The following ADGRB1 variants were observed in gnomAD, a reference collection of about 807,000 sequenced individuals.
The protein encoded by ADGRB1 is adhesion G protein-coupled receptor B1, also known as brain-specific angiogenesis inhibitor 1.
Under a neutral mutation model 175.7 loss-of-function variants are expected in ADGRB1, and 36 were observed. The observed-to-expected ratio is 0.20, with a 90% CI of 0.16 to 0.27. ADGRB1 has a LOEUF of 0.27. Among genes scored for constraint, ADGRB1 ranks in the 10% least tolerant of loss-of-function variants. The pLI is 1.00. For missense variants in ADGRB1, 1,731 were observed against 2,255.3 expected (o/e 0.77, Z 4.71); for synonymous variants, 1,054 against 979.4 (o/e 1.08, Z -1.42).
At chr8:142,515,705 G>A (rs1358782268) in intron 18 of ADGRB1, among the ~76,000 whole-genome samples, 2 of 152,220 alleles carry the variant, frequency 1.3e-5, no homozygotes, top group African/African-American at 4.8e-5. Flanking sequence ...AAAGTTACCG[G>A]TGACTGATGA....
intron 1 of ADGRB1, 21 bp from the exon 2 acceptor site, chr8:142,463,959 C>T (rs1840102014): frequency 2.8e-6 from 1 of 353,172 alleles, no homozygotes; most frequent in Admixed American, 4.8e-5. Flanking sequence ...TCACTCTGAC[C>T]CTCTGCTCTT....
Position 142,511,046 on chromosome 8 carries a change from C to T in ADGRB1, c.2790C>T (p.Ala930=). The part of the protein sequence containing the change: ...RCLCDRLSTF[A]ILAQLSADAN... ...TCTGTGACCGGCTCTCCACCTTCGC[C>T]ATCTTAGCCCAGCTCAGCGCCGACG... The change falls in exon 18 of 31, where the codon GCC becomes GCT. Residue 930 remains alanine, a synonymous_variant. Coordinates refer to ENST00000517894, the MANE Select transcript of ADGRB1 (RefSeq NM_001702.3). This position sits in a 1 kb window ranked among gnomAD's most constrained non-coding sequence, Gnocchi z 4.5. 1 of 1,277,410 alleles carries T rather than the reference C, an allele frequency of 7.8e-7. No individual in the cohort carries two copies. Among genetic ancestry groups the T allele is most frequent in the Non-Finnish European group, 1.0e-6 (1 of 993,706 alleles). 79.1% of individuals were successfully genotyped at this position (1,277,410 alleles called of 1,614,324 possible).
In ADGRB1 at chr8:142,489,370, G is replaced by A; in HGVS notation, c.2563G>A (p.Val855Met). The A allele has an allele frequency of 6.2e-7, 1 of 1,612,982 alleles. No homozygotes were observed. The highest frequency in any genetic ancestry group is 8.5e-7 in the Non-Finnish European group (1 of 1,179,848). The change falls in exon 16 of 31, where the codon GTG (valine) becomes ATG (methionine). Residue 855 changes from valine (V) to methionine (M), a missense_variant. Physicochemically the swap from Val to Met is conservative, Grantham distance 21. Transcript: ENST00000517894. ...CGTCCTGAATTCTAAGGTGATCTCC[G>A]TGACTGTGAAACCCCCGCCTCGCTC... ...TTVLNSKVISVTVKPPPRSLR... is the reference protein window; with the variant it reads ...TTVLNSKVISMTVKPPPRSLR...
At position 142,464,674 on chromosome 8, in the gene ADGRB1, G is replaced by C. The variant is rs113034224; in HGVS notation, c.476G>C (p.Arg159Pro). 6,219 of 1,524,242 alleles carry C rather than the reference G, an allele frequency of 4.1e-3. 78 individuals carry two copies. In the East Asian group the frequency reaches 0.049, roughly 12 times the overall value. 94.4% of individuals were successfully genotyped at this position (1,524,242 alleles called of 1,614,324 possible). ...QPPQHDGLRP[R>P]AGPPGPTDDF... ...CCCCAGCACGACGGGCTCCGGCCCC[G>C]GGCCGGGCCGCCGGGCCCCACCGAC... Residue 159 changes from arginine to proline, a missense_variant, in exon 2 of 31, where the codon CGG (arginine) becomes CCG (proline). Coordinates refer to ENST00000517894, the MANE Select transcript of ADGRB1 (RefSeq NM_001702.3).
At chr8:142,477,351 G>A (rs778655835) in intron 5 of ADGRB1, 34 bp from the exon 6 acceptor site, 26 of 1,463,010 alleles carry the variant, frequency 1.8e-5, no homozygotes, top group South Asian at 4.6e-5. Context: ...GGCGGTGGCC[G>A]CAGTGGGCAG....
intron 13 of ADGRB1, among the ~76,000 whole-genome samples, chr8:142,485,579 TG>T (rs1841628721): frequency 6.6e-6 from 1 of 152,218 alleles, no homozygotes; most frequent in South Asian, 2.1e-4. Flanking sequence ...ACCTCCCCTG[TG>T]GGGATGCTTC....
intron 14 of ADGRB1, among the ~76,000 whole-genome samples, chr8:142,488,715 C>T (rs532301137): frequency 6.6e-6 from 1 of 152,154 alleles, no homozygotes; most frequent in African/African-American, 2.4e-5. Flanking sequence ...CAAGATGAAC[C>T]ACCTTGCTTC....
At position 142,464,833 on chromosome 8, in the gene ADGRB1, C is replaced by T. The variant is rs1397178395; in HGVS notation, c.635C>T (p.Pro212Leu). 6.5e-7 allele frequency: 1 copy of T among 1,527,660 alleles called. No homozygotes were observed. Among genetic ancestry groups the T allele is most frequent in the African/African-American group, 1.4e-5 (1 of 72,108 alleles). The allele number at this position is 1,527,660 out of a possible 1,614,324, so 94.6% of individuals were successfully genotyped here. ...SSHPCGIMQT[P>L]CACLGGEAGG... is the part of the protein sequence containing the mutation. ...CACCCCTGCGGGATCATGCAGACCC[C>T]CTGCGCCTGCCTGGGCGGCGAGGCG... Residue 212 changes from proline (P) to leucine (L), a missense_variant, in exon 2 of 31, where the codon CCC becomes CTC. Physicochemically the swap from Pro to Leu is moderately conservative, Grantham distance 98. Coordinates refer to ENST00000517894, the MANE Select transcript of ADGRB1 (RefSeq NM_001702.3).
chr8:142,536,907 C>T (rs752484998), intron 25 of ADGRB1, 80 bp from the exon 26 acceptor site: 85 of 1,247,324 alleles, frequency 6.8e-5, no homozygotes, highest in Non-Finnish European at 8.5e-5. Context: ...CGCCCCCCCA[C>T]AGGTGCTGCT....
chr8:142,533,187 G>A (rs1474052280), intron 24 of ADGRB1, 108 bp from the exon 25 acceptor site: 46 of 1,241,782 alleles, frequency 3.7e-5, no homozygotes, highest in Admixed American at 8.5e-5. Flanking sequence ...AGACAGAGAC[G>A]GGGACTTAGG....
Position 142,484,752 on chromosome 8 carries a change from A to G in ADGRB1, c.2296A>G (p.Thr766Ala). The G allele has an allele frequency of 6.2e-7, 1 of 1,606,088 alleles. No homozygotes were observed. Among genetic ancestry groups the G allele is most frequent in the Non-Finnish European group, 8.5e-7 (1 of 1,175,720 alleles). ...MKDLRDAYQV[T>A]DNLVLSIHKL... ...GGACCTGAGGGATGCATACCAGGTG[A>G]CAGACAACCTGGGTAAGCCTGCCCG... The change falls in exon 13 of 31, where the codon ACA becomes GCA. Residue 766 changes from threonine (T) to alanine (A), a missense_variant. Transcript: ENST00000517894.
chr8:142,476,719 G>C (rs1215264429), intron 4 of ADGRB1, 24 bp downstream of exon 4: 3 of 1,533,792 alleles, frequency 2.0e-6, no homozygotes, highest in East Asian at 2.5e-5. Flanking sequence ...AGGGGGGTGG[G>C]TGGGACTAGG....
intron 17 of ADGRB1, among the ~76,000 whole-genome samples, chr8:142,505,076 T>C (rs535078717): frequency 1.2e-4 from 1 of 8,450 alleles, no homozygotes; most frequent in South Asian, 4.8e-3. Flanking sequence ...GGTGGGTGGG[T>C]GGGCTCTTAG....
chr8:142,480,524 T>C (rs952869181), intron 9 of ADGRB1, among the ~76,000 whole-genome samples: 1 of 152,158 alleles, frequency 6.6e-6, no homozygotes, highest in African/African-American at 2.4e-5. Flanking sequence ...CGGTAGCAGA[T>C]TGCAAATGCT....
At chr8:142,519,903 TTGGTGGTGCTGGTGATTG>T (rs1470690562) in intron 19 of ADGRB1, among the ~76,000 whole-genome samples, 1 of 143,732 alleles carries the variant, frequency 7.0e-6, no homozygotes, top group African/African-American at 2.6e-5. Flanking sequence ...TGTGTTGGTG[TTGGTGGTGCTGGTGATTG>T]TGGTGGTGGT....
intron 15 of ADGRB1, 106 bp from the exon 16 acceptor site, chr8:142,489,229 TG>T (rs1841865629): frequency 6.5e-7 from 1 of 1,548,568 alleles, no homozygotes; most frequent in African/African-American, 1.4e-5. Context: ...TGATGGGCTG[TG>T]GAGGGTGGCG....
At chr8:142,515,102 G>A (rs1020557451) in intron 18 of ADGRB1, among the ~76,000 whole-genome samples, 3 of 152,138 alleles carry the variant, frequency 2.0e-5, no homozygotes, top group Non-Finnish European at 2.9e-5. Flanking sequence ...GGAGGGGGCC[G>A]GCTGGTTCAG....
chr8:142,510,983 C>T lies in ADGRB1; in HGVS notation c.2727C>T (p.Cys909=). The T allele has an allele frequency of 7.7e-7, 1 of 1,302,738 alleles. No individual in the cohort carries two copies. The allele number at this position is 1,302,738 out of a possible 1,614,324, so 80.7% of individuals were successfully genotyped here. The change falls in exon 18 of 31, where the codon TGC becomes TGT. Residue 909 remains cysteine, a synonymous_variant. Transcript: ENST00000517894. The surrounding 1 kb of genome is among the most constrained non-coding windows in gnomAD (Gnocchi z 6.3). The part of the protein sequence containing the change: ...PQLGPWSWRG[C]RTVPLDALRT... ...TCGGGCCCTGGTCGTGGCGCGGCTG[C>T]CGCACGGTGCCCCTCGACGCCCTCC...
chr8:142,500,500 T>A (rs1842469599), intron 17 of ADGRB1, among the ~76,000 whole-genome samples: 1 of 150,730 alleles, frequency 6.6e-6, no homozygotes. Context: ...GAGGGGCGGC[T>A]GCAGGGGTCC....
Sources: gnomAD v4.1 joint callset for allele counts (sites outside exome capture counted in the v4.1 genomes callset) on GRCh38, gnomAD v4.1.1 for gene constraint, Gnocchi (gnomAD v3.1) non-coding constraint, MANE v1.5 for transcripts, NCBI Gene and HGNC (gene_info 2026-07-23, HGNC 2026-07-21) for gene names.